The following DHRSX variants were observed in gnomAD, a reference collection of about 807,000 sequenced individuals.
DHRSX encodes the protein dehydrogenase/reductase X-linked, also known as polyprenol dehydrogenase.
Under a neutral mutation model 34.0 loss-of-function variants are expected in DHRSX, and 31 were observed. The observed-to-expected ratio is 0.91, with a 90% CI of 0.69 to 1.23. The LOEUF (loss-of-function observed/expected upper bound fraction) is 1.23. DHRSX is among the 50% of genes most tolerant of loss of function. The pLI is 0.00. For missense variants in DHRSX, 414 were observed against 428.1 expected, an observed-to-expected ratio of 0.97 and a Z score of 0.29; for synonymous variants, 201 against 183.8, an observed-to-expected ratio of 1.09 and a Z score of -0.76.
chrX:2,335,599 C>T (rs1362040325), intron 3 of DHRSX, among the ~76,000 whole-genome samples: 3 of 151,584 alleles, frequency 2.0e-5, no homozygotes, highest in Admixed American at 1.3e-4. Flanking sequence ...TACAGGTGCC[C>T]GCCACCATGC....
chrX:2,318,048 G>A (rs1030416718), intron 3 of DHRSX, among the ~76,000 whole-genome samples: 45 of 152,166 alleles, frequency 3.0e-4, no homozygotes, highest in African/African-American at 1.1e-3. Flanking sequence ...ACAAGTGTCT[G>A]AAGATAGTCC....
intron 5 of DHRSX, among the ~76,000 whole-genome samples, chrX:2,264,502 C>G (rs1279488203): frequency 6.7e-6 from 1 of 150,332 alleles, no homozygotes; most frequent in African/African-American, 2.5e-5. Flanking sequence ...CTGTGTCCAG[C>G]AGACTCAGGG....
chrX:2,492,938 GC>G (rs1296797424), intron 1 of DHRSX, among the ~76,000 whole-genome samples: 3 of 152,232 alleles, frequency 2.0e-5, no homozygotes, highest in Non-Finnish European at 4.4e-5. Context: ...TCTTAGAAAG[GC>G]CCCCCGTCTT....
chrX:2,357,168 C>T (rs2042865482), intron 3 of DHRSX, among the ~76,000 whole-genome samples: 3 of 152,080 alleles, frequency 2.0e-5, no homozygotes, highest in Non-Finnish European at 4.4e-5. Flanking sequence ...CGCTTGAACC[C>T]AGGAGGCGGA....
Position 2,243,147 on chromosome X carries a change from G to T in DHRSX, c.680C>A (p.Ala227Glu), listed in dbSNP as rs756738277. 17 of 1,613,744 alleles carry T rather than the reference G, an allele frequency of 1.1e-5. No individual in the cohort carries two copies. Among genetic ancestry groups the T allele is most frequent in the Middle Eastern group, 1.7e-4 (1 of 6,052 alleles). Residue 227 changes from alanine to glutamate, a missense_variant, in exon 6 of 7, where the codon GCG becomes GAG. Ala to Glu is a moderately radical substitution (Grantham distance 107). Transcript: ENST00000334651. Reference protein sequence around the residue: ...LFTYHLQRLLAAEGSHVTANV... With the variant: ...LFTYHLQRLLEAEGSHVTANV... ...GGCGGTCACGTGGCTTCCCTCAGCC[G>T]CCAGCAGCCGCTGGAGGTGGTAGGT...
intron 1 of DHRSX, among the ~76,000 whole-genome samples, chrX:2,434,945 A>G (rs1340339502): frequency 5.3e-5 from 8 of 152,170 alleles, no homozygotes; most frequent in African/African-American, 1.9e-4. Flanking sequence ...GGAAAAAAAG[A>G]CACACGTGAT....
chrX:2,425,079 GC>G, intron 2 of DHRSX, 117 bp downstream of exon 2: 1 of 741,422 alleles, frequency 1.3e-6, no homozygotes, highest in Non-Finnish European at 2.3e-6. Flanking sequence ...GGTGGAGGCT[GC>G]AGTGAGCCAA....
intron 4 of DHRSX, among the ~76,000 whole-genome samples, chrX:2,289,354 G>A (rs1403080470): frequency 2.0e-5 from 3 of 152,098 alleles, no homozygotes; most frequent in Non-Finnish European, 4.4e-5. Flanking sequence ...CTGACCTCAG[G>A]TGATCCACTC....
intron 3 of DHRSX, among the ~76,000 whole-genome samples, chrX:2,403,169 A>T (rs144397721): frequency 1.9e-3 from 289 of 152,258 alleles, no homozygotes; most frequent in African/African-American, 6.7e-3. Flanking sequence ...GGGGTGAGCC[A>T]CCATGTCCAG....
At chrX:2,345,768 T>G (rs968087598) in intron 3 of DHRSX, among the ~76,000 whole-genome samples, 1 of 152,090 alleles carries the variant, frequency 6.6e-6, no homozygotes, top group Non-Finnish European at 1.5e-5. Context: ...AACAGAAGAC[T>G]AATGTTACCT....
chrX:2,230,390 C>A (rs1276832444), intron 6 of DHRSX, among the ~76,000 whole-genome samples: 1 of 152,128 alleles, frequency 6.6e-6, no homozygotes, highest in Non-Finnish European at 1.5e-5. Flanking sequence ...GTAAGACACA[C>A]ACACAAACCT....
intron 1 of DHRSX, chrX:2,490,208 T>G: frequency 1.2e-6 from 2 of 1,613,962 alleles, no homozygotes; most frequent in Middle Eastern, 3.3e-4. Flanking sequence ...AGGGATGGCC[T>G]TGGTAGAGAT....
At chrX:2,367,058 C>T (rs1419161418) in intron 3 of DHRSX, among the ~76,000 whole-genome samples, 1 of 152,072 alleles carries the variant, frequency 6.6e-6, no homozygotes, top group Non-Finnish European at 1.5e-5. Context: ...TAAGCCATTC[C>T]CCATCAGGAA....
At chrX:2,298,983 C>A (rs2041978551) in intron 3 of DHRSX, among the ~76,000 whole-genome samples, 1 of 40,746 alleles carries the variant, frequency 2.5e-5, no homozygotes, top group African/African-American at 9.3e-5. Flanking sequence ...GAAACTCTGT[C>A]TCAAAAAAAA....
intron 1 of DHRSX, chrX:2,488,854 G>T (rs149611128): frequency 6.2e-7 from 1 of 1,613,516 alleles, no homozygotes; most frequent in South Asian, 1.1e-5. Context: ...CGGCGGATCC[G>T]AAGAGACGCT....
chrX:2,261,141 C>T (rs776720984), intron 5 of DHRSX, among the ~76,000 whole-genome samples: 2 of 152,144 alleles, frequency 1.3e-5, no homozygotes, highest in East Asian at 3.9e-4. Flanking sequence ...ACCCGGGAGG[C>T]GGAGGTTGCC....
intron 2 of DHRSX, 126 bp from the exon 3 acceptor site, chrX:2,408,939 T>C: frequency 1.2e-6 from 1 of 820,586 alleles, no homozygotes; most frequent in Non-Finnish European, 2.0e-6. Context: ...TTGATGGACT[T>C]TCCCTTTATC....
chrX:2,246,315 G>T (rs1046454074), intron 5 of DHRSX, among the ~76,000 whole-genome samples: 1 of 152,198 alleles, frequency 6.6e-6, no homozygotes, highest in African/African-American at 2.4e-5. Context: ...AACAAAAGCT[G>T]TTCCTAAATA....
intron 5 of DHRSX, among the ~76,000 whole-genome samples, chrX:2,259,393 T>TAG (rs1556439758): frequency 1.5e-4 from 9 of 59,522 alleles, no homozygotes; most frequent in Non-Finnish European, 2.7e-4. Flanking sequence ...TATAGATATA[T>TAG]AGATATATAT....
Sources: allele counts gnomAD v4.1 joint callset (sites outside exome capture counted in the v4.1 genomes callset), GRCh38; gene constraint gnomAD v4.1.1; transcripts MANE v1.5; gene names NCBI Gene and HGNC (gene_info 2026-07-23, HGNC 2026-07-21).